The following RALGPS1 variants were observed in gnomAD, a reference collection of about 807,000 sequenced individuals.
The protein encoded by RALGPS1 is Ral GEF with PH domain and SH3 binding motif 1.
RALGPS1 carries 19 observed loss-of-function variants against 78.8 expected under a neutral mutation model. The ratio of observed to expected loss-of-function variants is 0.24; its 90% CI spans 0.17 to 0.35. RALGPS1 has a LOEUF of 0.35. Ranked by LOEUF, RALGPS1 falls within the 10% of genes least tolerant of loss-of-function variation. The pLI is 1.00. For synonymous variants in RALGPS1, 228 were observed against 256.3 expected, an observed-to-expected ratio of 0.89 and a Z score of 1.06; for missense variants, 454 against 688.3, an observed-to-expected ratio of 0.66 and a Z score of 3.81.
Position 126,965,831 on chromosome 9 carries a change from C to T in RALGPS1, c.58-13C>T. 1 of 1,609,122 alleles carries T rather than the reference C, an allele frequency of 6.2e-7. No individual in the cohort carries two copies. ...ATCATTCAGTTGGCACCATCTTTCCCTGCTCTCCACAGGGCAGCAGCAGCT... is the reference window on the plus strand; with the variant it reads ...ATCATTCAGTTGGCACCATCTTTCCTTGCTCTCCACAGGGCAGCAGCAGCT... On this transcript the variant is annotated splice_polypyrimidine_tract_variant and intron_variant, in intron 2 of 18. Coordinates refer to ENST00000259351, the MANE Select transcript of RALGPS1 (RefSeq NM_014636.3).
intron 4 of RALGPS1, among the ~76,000 whole-genome samples, chr9:127,018,683 G>T (rs561965700): frequency 6.6e-5 from 9 of 137,240 alleles, no homozygotes; most frequent in Admixed American, 4.3e-4. Flanking sequence ...TAATAATAAC[G>T]ATGAAAAGTA....
At chr9:126,990,931 T>G (rs1281483961) in intron 4 of RALGPS1, among the ~76,000 whole-genome samples, 1 of 152,196 alleles carries the variant, frequency 6.6e-6, no homozygotes, top group Non-Finnish European at 1.5e-5. Flanking sequence ...CTAAAATCCC[T>G]TGAATCCTTT....
At chr9:127,135,019 G>C (rs1426471741) in intron 8 of RALGPS1, among the ~76,000 whole-genome samples, 1 of 152,114 alleles carries the variant, frequency 6.6e-6, no homozygotes, top group Non-Finnish European at 1.5e-5. Flanking sequence ...TCTGCTGCCT[G>C]GGACACTTGA....
intron 1 of RALGPS1, among the ~76,000 whole-genome samples, chr9:126,917,534 C>T (rs2034297771): frequency 1.3e-5 from 2 of 152,190 alleles, no homozygotes; most frequent in Non-Finnish European, 2.9e-5. Context: ...TGCAGGCTGC[C>T]ACCTCCTGCT....
At chr9:126,933,529 G>A (rs944701147) in intron 1 of RALGPS1, among the ~76,000 whole-genome samples, 1 of 152,184 alleles carries the variant, frequency 6.6e-6, no homozygotes, top group African/African-American at 2.4e-5. Flanking sequence ...CTGGCAGCTG[G>A]GAGTGCACCC....
chr9:126,952,664 T>A (rs942588001), intron 1 of RALGPS1, among the ~76,000 whole-genome samples: 1 of 106,122 alleles, frequency 9.4e-6, no homozygotes, highest in African/African-American at 2.7e-5. Flanking sequence ...AGAGTGTGTG[T>A]GTGTGTGTGT....
At chr9:127,207,701 CAG>C (rs920620600) in intron 14 of RALGPS1, among the ~76,000 whole-genome samples, 6 of 152,012 alleles carry the variant, frequency 3.9e-5, no homozygotes. Context: ...GCCAGGCAGC[CAG>C]AGTTGCCCTG....
intron 5 of RALGPS1, among the ~76,000 whole-genome samples, chr9:127,037,925 A>G (rs1352969673): frequency 6.6e-6 from 1 of 152,242 alleles, no homozygotes; most frequent in Admixed American, 6.5e-5. Flanking sequence ...CCTAGGCCAC[A>G]TGGACTGAGA....
At chr9:127,089,243 G>T in intron 8 of RALGPS1, 1 of 1,235,818 alleles carries the variant, frequency 8.1e-7, no homozygotes, top group Non-Finnish European at 1.2e-6. Flanking sequence ...GGCATCTGGA[G>T]CAAGAACGCT....
rs545664221 is a variant in RALGPS1 at position 126,992,372 on chromosome 9, C to G, written c.216+14627C>G. Among the ~76,000 whole-genome samples the G allele has an allele frequency of 2.0e-5, 3 of 152,282 alleles. No individual in the cohort carries two copies. The South Asian group carries it at 6.2e-4, about 32-fold the overall frequency. ...AATATAATGAACATACCCATCACCCCAAAAATTTTTTAATACCTCTTTGCA... is the reference window on the plus strand; with the variant it reads ...AATATAATGAACATACCCATCACCCGAAAAATTTTTTAATACCTCTTTGCA... On this transcript the variant is annotated intron_variant, in intron 4 of 18. Transcript: ENST00000259351.
chr9:127,040,584 C>T (rs890690488), intron 5 of RALGPS1, among the ~76,000 whole-genome samples: 4 of 151,968 alleles, frequency 2.6e-5, no homozygotes, highest in African/African-American at 7.3e-5. Flanking sequence ...CAGATGGAAC[C>T]GAAATTTTCT....
At chr9:127,018,860 C>T (rs533167365) in intron 4 of RALGPS1, among the ~76,000 whole-genome samples, 3 of 152,210 alleles carry the variant, frequency 2.0e-5, no homozygotes, top group South Asian at 2.1e-4. Flanking sequence ...TCTATGACTA[C>T]GGCATCACTA....
chr9:126,989,802 G>T (rs2042119454), intron 4 of RALGPS1: 1 of 1,499,018 alleles, frequency 6.7e-7, no homozygotes, highest in Non-Finnish European at 8.9e-7. Flanking sequence ...ACTCTAGAGG[G>T]ATTCGATTTC....
chr9:127,051,100 G>A (rs1341234061), intron 6 of RALGPS1, among the ~76,000 whole-genome samples: 3 of 152,204 alleles, frequency 2.0e-5, no homozygotes, highest in East Asian at 1.9e-4. Context: ...TCATGGGCGG[G>A]TTAAGTGCAT....
At chr9:127,141,455 C>T (rs1341972081) in intron 8 of RALGPS1, among the ~76,000 whole-genome samples, 1 of 151,984 alleles carries the variant, frequency 6.6e-6, no homozygotes, top group African/African-American at 2.4e-5. Flanking sequence ...TGGGGGTTTC[C>T]AGCTCAGGCA....
intron 8 of RALGPS1, among the ~76,000 whole-genome samples, chr9:127,121,612 G>A (rs911889324): frequency 6.6e-6 from 1 of 152,244 alleles, no homozygotes; most frequent in African/African-American, 2.4e-5. Flanking sequence ...GCTTTCAGGC[G>A]ACTTGGTATG....
intron 5 of RALGPS1, among the ~76,000 whole-genome samples, chr9:127,039,432 C>G (rs2047108010): frequency 6.6e-6 from 1 of 152,144 alleles, no homozygotes; most frequent in Non-Finnish European, 1.5e-5. Context: ...ATGAAGAGAG[C>G]AGGTGTAAGT....
intron 1 of RALGPS1, among the ~76,000 whole-genome samples, chr9:126,960,139 C>G (rs1451652303): frequency 6.6e-6 from 1 of 150,740 alleles, no homozygotes; most frequent in Non-Finnish European, 1.5e-5. Flanking sequence ...TTGCTTGCCC[C>G]TGTTTCTTCC....
chr9:127,012,932 A>G (rs1188975666), intron 4 of RALGPS1, among the ~76,000 whole-genome samples: 1 of 152,142 alleles, frequency 6.6e-6, no homozygotes, highest in Non-Finnish European at 1.5e-5. Flanking sequence ...TCCCTGGTCT[A>G]ATGGGAAAGG....
Sources: gnomAD v4.1 joint callset for allele counts (sites outside exome capture counted in the v4.1 genomes callset) on GRCh38, gnomAD v4.1.1 for gene constraint, MANE v1.5 for transcripts, NCBI Gene and HGNC (gene_info 2026-07-23, HGNC 2026-07-21) for gene names.